The following PLXNA2 variants were observed in gnomAD, a reference collection of about 807,000 sequenced individuals.
PLXNA2 encodes plexin-A2.
In PLXNA2, 91 loss-of-function variants were observed where a neutral mutation model predicts 193.5. The ratio of observed to expected loss-of-function variants is 0.47; its 90% CI spans 0.40 to 0.56. The LOEUF (loss-of-function observed/expected upper bound fraction) is 0.56. Among genes scored for constraint, PLXNA2 ranks in the 20% least tolerant of loss-of-function variants. The probability of loss-of-function intolerance (pLI) is 0.00; values close to 1 mark genes in which losing one functional copy is unlikely to be tolerated. For missense variants in PLXNA2, 1,995 were observed against 2,503.2 expected (o/e 0.80, Z 4.33); for synonymous variants, 997 against 1,027.3 (o/e 0.97, Z 0.56).
chr1:208,197,130 C>T (rs1670386369), intron 3 of PLXNA2, among the ~76,000 whole-genome samples: 1 of 152,142 alleles, frequency 6.6e-6, no homozygotes, highest in African/African-American at 2.4e-5. Context: ...TGAACTCAAA[C>T]CATTGTCTTA....
At chr1:208,078,156 C>T (rs982390238) in intron 12 of PLXNA2, among the ~76,000 whole-genome samples, 1 of 152,210 alleles carries the variant, frequency 6.6e-6, no homozygotes, top group African/African-American at 2.4e-5. Context: ...TTTTCTTCAT[C>T]TGTACAGTGG....
In PLXNA2 at chr1:208,217,293, TGAG is replaced by T; in HGVS notation, c.627_629del (p.Ser210del). 6.2e-7 allele frequency: 1 copy of T among 1,614,056 alleles called. No individual in the cohort carries two copies. The highest frequency in any genetic ancestry group is 2.2e-5 in the East Asian group (1 of 44,866). ...TGTGTAGCTCATAGTCGAGCATGGC[TGAG>T]GACTCAGGGTCTCGGGGCAGCTTCC... On this transcript the variant is annotated inframe_deletion, in exon 2 of 32. Coordinates refer to ENST00000367033, the MANE Select transcript of PLXNA2 (RefSeq NM_025179.4). This position sits in a 1 kb window ranked among gnomAD's most constrained non-coding sequence, Gnocchi z 4.7.
intron 8 of PLXNA2, among the ~76,000 whole-genome samples, chr1:208,094,447 C>A (rs1158548163): frequency 6.7e-6 from 1 of 149,518 alleles, no homozygotes; most frequent in Admixed American, 6.6e-5. Context: ...TTTTTTTTTT[C>A]TGTTAAAACT....
In PLXNA2 at chr1:208,217,468, G is replaced by T; in HGVS notation, c.455C>A (p.Ser152Tyr). The change falls in exon 2 of 32, where the codon TCC becomes TAC. Residue 152 changes from serine to tyrosine, a missense_variant. Ser to Tyr is a moderately radical substitution (Grantham distance 144). Around this residue, in one of 3 missense-constraint regions of PLXNA2, gnomAD observed 702 missense variants for 812.9 expected, o/e 0.86. Coordinates refer to ENST00000367033, the MANE Select transcript of PLXNA2 (RefSeq NM_025179.4). This position sits in a 1 kb window ranked among gnomAD's most constrained non-coding sequence, Gnocchi z 4.7. ...GGACAGGTAGTGCTCCTTCTTGTGG[G>T]ATGGCTCCACCAGGATGAAGAGGTC... is the stretch of plus-strand genomic sequence containing the variant. ...LDDLFILVEP[S>Y]HKKEHYLSSV... 1 of 1,614,198 alleles carries T rather than the reference G, an allele frequency of 6.2e-7. No individual in the cohort carries two copies. The highest frequency in any genetic ancestry group is 8.5e-7 in the Non-Finnish European group (1 of 1,180,036).
chr1:208,098,452 T>TCACACACACA (rs1466419984), intron 6 of PLXNA2, among the ~76,000 whole-genome samples: 8 of 120,734 alleles, frequency 6.6e-5, no homozygotes, highest in Non-Finnish European at 1.2e-4. Context: ...TCTCTCTCTC[T>TCACACACACA]CTCTCTCACA....
chr1:208,161,988 A>T (rs1241802367), intron 3 of PLXNA2, among the ~76,000 whole-genome samples: 1 of 151,976 alleles, frequency 6.6e-6, no homozygotes, highest in Admixed American at 6.6e-5. Flanking sequence ...GGAGAGGGGG[A>T]GCAGGAGCCA....
At chr1:208,092,691 A>G (rs1000692883) in intron 9 of PLXNA2, 95 bp downstream of exon 9, 1 of 790,264 alleles carries the variant, frequency 1.3e-6, no homozygotes, top group African/African-American at 1.7e-5. Context: ...GGCCAGGGCA[A>G]GAAAATGGCC....
chr1:208,112,080 G>T (rs929330005), intron 4 of PLXNA2, among the ~76,000 whole-genome samples: 12 of 152,332 alleles, frequency 7.9e-5, no homozygotes, highest in Non-Finnish European at 8.8e-5. Flanking sequence ...GAGTAATTCA[G>T]AGTAATTAAA....
intron 4 of PLXNA2, among the ~76,000 whole-genome samples, chr1:208,140,284 C>T (rs1481397096): frequency 1.3e-5 from 2 of 152,204 alleles, no homozygotes; most frequent in Admixed American, 6.5e-5. Context: ...AGCCCTGACC[C>T]AGCCCCTCTT....
chr1:208,050,935 G>T, intron 17 of PLXNA2, 74 bp downstream of exon 17: 1 of 1,091,700 alleles, frequency 9.2e-7, no homozygotes, highest in Non-Finnish European at 1.4e-6. Context: ...GCCTAACCCA[G>T]AGCTCATCCC....
chr1:208,152,784 C>T (rs968792786), intron 3 of PLXNA2, among the ~76,000 whole-genome samples: 4 of 151,758 alleles, frequency 2.6e-5, no homozygotes, highest in Admixed American at 2.0e-4. Context: ...ATTCAGGAGT[C>T]TAGCTAACAT....
rs145918491 is a variant in PLXNA2 at position 208,088,825 on chromosome 1, C to T, written c.2097+3961G>A. 7.0e-4 allele frequency among the ~76,000 whole-genome samples: 106 copies of T among 152,206 alleles called. No individual in the cohort carries two copies. In the East Asian group the frequency reaches 0.018, roughly 25 times the overall value. ...CTGGATTGACAATTGTTAATATTAC[C>T]GCCTATTTGTGGTGTGTGTGCGTGT... On this transcript the variant is annotated intron_variant, in intron 9 of 31. Coordinates refer to ENST00000367033, the MANE Select transcript of PLXNA2 (RefSeq NM_025179.4).
intron 12 of PLXNA2, among the ~76,000 whole-genome samples, chr1:208,066,442 T>C (rs879613622): frequency 5.3e-5 from 8 of 152,214 alleles, no homozygotes; most frequent in Admixed American, 3.3e-4. Context: ...TTTTGGTCAA[T>C]GACGGACCAT....
chr1:208,194,354 C>T (rs116833428), intron 3 of PLXNA2, among the ~76,000 whole-genome samples: 1,735 of 151,332 alleles, frequency 0.011, 31 homozygotes, highest in African/African-American at 0.04. Flanking sequence ...GCAGCCCACC[C>T]GATGTATGTG....
At chr1:208,177,244 T>G (rs940188962) in intron 3 of PLXNA2, among the ~76,000 whole-genome samples, 1 of 152,248 alleles carries the variant, frequency 6.6e-6, no homozygotes, top group Non-Finnish European at 1.5e-5. Context: ...GTATTTTTCC[T>G]ACCTGATGCA....
At chr1:208,167,400 C>A (rs776127186) in intron 3 of PLXNA2, among the ~76,000 whole-genome samples, 8 of 152,188 alleles carry the variant, frequency 5.3e-5, no homozygotes, top group Non-Finnish European at 1.2e-4. Context: ...CCTGGAGGAG[C>A]CATAATATGC....
chr1:208,135,819 G>A (rs1668284370), intron 4 of PLXNA2, among the ~76,000 whole-genome samples: 1 of 152,156 alleles, frequency 6.6e-6, no homozygotes, highest in Non-Finnish European at 1.5e-5. Flanking sequence ...TGTTCTTAAT[G>A]TGTGTTCATG....
chr1:208,188,053 A>C (rs59198200), intron 3 of PLXNA2, among the ~76,000 whole-genome samples: 3,849 of 152,252 alleles, frequency 0.025, 164 homozygotes, highest in African/African-American at 0.087. Flanking sequence ...CCCCAGCTCC[A>C]CATTGCACCA....
intron 4 of PLXNA2, among the ~76,000 whole-genome samples, chr1:208,130,954 G>C (rs913610547): frequency 6.6e-6 from 1 of 152,170 alleles, no homozygotes; most frequent in Admixed American, 6.5e-5. Flanking sequence ...CTTCACTAAA[G>C]AAATCAAAAA....
Sources: gnomAD v4.1 joint callset for allele counts (sites outside exome capture counted in the v4.1 genomes callset) on GRCh38, gnomAD v4.1.1 for gene constraint, gnomAD v4.1.1 regional missense constraint, Gnocchi (gnomAD v3.1) non-coding constraint, MANE v1.5 for transcripts, NCBI Gene and HGNC (gene_info 2026-07-23, HGNC 2026-07-21) for gene names.